The following CADPS2 variants were observed in gnomAD, a reference collection of about 807,000 sequenced individuals.
The protein encoded by CADPS2 is calcium dependent secretion activator 2.
In CADPS2, 93 loss-of-function variants were observed where a neutral mutation model predicts 172.5. That is an observed-to-expected ratio of 0.54 (90% CI 0.46 to 0.64). The LOEUF (loss-of-function observed/expected upper bound fraction) is 0.64, where lower values mean the gene tolerates loss of function less well. Ranked by LOEUF, CADPS2 falls within the 30% of genes least tolerant of loss-of-function variation. CADPS2 has a pLI of 0.00. For synonymous variants in CADPS2, 546 were observed against 555.2 expected (o/e 0.98, Z 0.23); for missense variants, 1,420 against 1,565.9 (o/e 0.91, Z 1.57).
chr7:122,387,319 G>T, intron 23 of CADPS2, 146 bp from the exon 24 acceptor site: 2 of 724,102 alleles, frequency 2.8e-6, no homozygotes, highest in Non-Finnish European at 4.4e-6. Context: ...GAGCTAAGGG[G>T]TGGGATGCTT....
At position 122,848,490 on chromosome 7, in the gene CADPS2, G is replaced by A. The variant is rs1812639777; in HGVS notation, c.339+37509C>T. 2.0e-5 allele frequency among the ~76,000 whole-genome samples: 3 copies of A among 152,132 alleles called. No individual in the cohort carries two copies. The East Asian group carries it at 5.8e-4, about 29-fold the overall frequency. On this transcript the variant is annotated intron_variant, in intron 1 of 29. Transcript: ENST00000449022. ...CAGTAGAGGAGCCAGGACCCCCAAA[G>A]GCTCTAAAATATTCAAGATCAGATG...
At chr7:122,847,607 T>A (rs1812350979) in intron 1 of CADPS2, among the ~76,000 whole-genome samples, 1 of 152,164 alleles carries the variant, frequency 6.6e-6, no homozygotes, top group Non-Finnish European at 1.5e-5. Context: ...ATTTTTTTTT[T>A]TCTTGTCATC....
chr7:122,479,841 A>G (rs2057084215), intron 12 of CADPS2, among the ~76,000 whole-genome samples: 1 of 152,196 alleles, frequency 6.6e-6, no homozygotes, highest in African/African-American at 2.4e-5. Flanking sequence ...GTTAGTTTAT[A>G]TTTTAATTTA....
At chr7:122,588,525 T>C (rs1322229286) in intron 6 of CADPS2, among the ~76,000 whole-genome samples, 1 of 151,890 alleles carries the variant, frequency 6.6e-6, no homozygotes, top group Admixed American at 6.6e-5. Context: ...TCTAGTTAAA[T>C]TATCCTTCTT....
At chr7:122,764,483 CA>C (rs1318267322) in intron 1 of CADPS2, among the ~76,000 whole-genome samples, 1 of 151,760 alleles carries the variant, frequency 6.6e-6, no homozygotes, top group African/African-American at 2.4e-5. Context: ...CTAAAGAAAA[CA>C]AATAGTCTAT....
intron 15 of CADPS2, among the ~76,000 whole-genome samples, chr7:122,445,686 G>A (rs549051415): frequency 6.6e-6 from 1 of 152,200 alleles, no homozygotes; most frequent in East Asian, 1.9e-4. Flanking sequence ...ATGGTGGCAT[G>A]TGCCTGTGGT....
At chr7:122,827,540 G>A (rs1459937889) in intron 1 of CADPS2, among the ~76,000 whole-genome samples, 1 of 151,406 alleles carries the variant, frequency 6.6e-6, no homozygotes, top group Admixed American at 6.6e-5. Flanking sequence ...GCTGAGGCAG[G>A]AGAATCGTTT....
At chr7:122,548,725 C>A (rs554474383) in intron 8 of CADPS2, among the ~76,000 whole-genome samples, 1 of 152,246 alleles carries the variant, frequency 6.6e-6, no homozygotes, top group South Asian at 2.1e-4. Flanking sequence ...CTCTCACTTG[C>A]CATGAAATAA....
intron 2 of CADPS2, among the ~76,000 whole-genome samples, chr7:122,734,464 C>T (rs541604820): frequency 2.1e-5 from 3 of 145,224 alleles, no homozygotes; most frequent in East Asian, 4.3e-4. Flanking sequence ...GTCATTTAAC[C>T]TCTATGAGCT....
intron 8 of CADPS2, among the ~76,000 whole-genome samples, chr7:122,524,992 CAT>C (rs2061096635): frequency 6.6e-6 from 1 of 151,852 alleles, no homozygotes; most frequent in African/African-American, 2.4e-5. Context: ...CTACAAGAAA[CAT>C]AAAAAAATTA....
chr7:122,858,781 A>C (rs543005526), intron 1 of CADPS2, among the ~76,000 whole-genome samples: 1 of 152,246 alleles, frequency 6.6e-6, no homozygotes, highest in Non-Finnish European at 1.5e-5. Flanking sequence ...GTAACTCTAA[A>C]ATAAATGAAA....
At chr7:122,668,120 C>A (rs2081370050) in intron 2 of CADPS2, among the ~76,000 whole-genome samples, 1 of 152,044 alleles carries the variant, frequency 6.6e-6, no homozygotes, top group Admixed American at 6.6e-5. Context: ...TGGTGGAAAA[C>A]AATAAGGGCT....
At chr7:122,752,305 A>G (rs2092984379) in intron 1 of CADPS2, among the ~76,000 whole-genome samples, 1 of 152,172 alleles carries the variant, frequency 6.6e-6, no homozygotes, top group South Asian at 2.1e-4. Context: ...GAATAACTCA[A>G]AATTATCTCT....
intron 1 of CADPS2, among the ~76,000 whole-genome samples, chr7:122,870,874 C>T (rs887517817): frequency 4.6e-5 from 7 of 152,034 alleles, no homozygotes; most frequent in Admixed American, 4.6e-4. Flanking sequence ...ATGCAATATG[C>T]TTTATAGCAG....
At chr7:122,728,890 T>C (rs571778540) in intron 2 of CADPS2, among the ~76,000 whole-genome samples, 2 of 151,912 alleles carry the variant, frequency 1.3e-5, no homozygotes, top group East Asian at 3.9e-4. Context: ...TTTATTATAT[T>C]ACAAGTCGCC....
chr7:122,613,436 AAT>A (rs753834535), intron 6 of CADPS2, among the ~76,000 whole-genome samples: 1 of 151,850 alleles, frequency 6.6e-6, no homozygotes, highest in Non-Finnish European at 1.5e-5. Context: ...TTCCATATGA[AAT>A]ATATATATAT....
chr7:122,769,799 T>C lies in CADPS2; in HGVS notation c.340-32731A>G, dbSNP rs573643658. Among the ~76,000 whole-genome samples, 11 of 152,300 alleles carry C rather than the reference T, an allele frequency of 7.2e-5. No individual in the cohort carries two copies. The East Asian group carries it at 1.9e-3, about 27-fold the overall frequency. ...CTACCAATTGTTGACTGTGTAACCT[T>C]GGACATGTGATTTCAATTTTCTGAG... On this transcript the variant is annotated intron_variant, in intron 1 of 29. Coordinates refer to ENST00000449022, the MANE Select transcript of CADPS2 (RefSeq NM_017954.11).
At chr7:122,371,345 T>G (rs2041738103) in intron 25 of CADPS2, among the ~76,000 whole-genome samples, 1 of 151,966 alleles carries the variant, frequency 6.6e-6, no homozygotes, top group African/African-American at 2.4e-5. Context: ...TGGGGAGGCC[T>G]TAGCAAACTT....
At chr7:122,778,995 T>C (rs999615603) in intron 1 of CADPS2, among the ~76,000 whole-genome samples, 1 of 152,138 alleles carries the variant, frequency 6.6e-6, no homozygotes, top group South Asian at 2.1e-4. Context: ...CTTCTTGTGA[T>C]AGTGAATAAG....
Sources: gnomAD v4.1 joint callset for allele counts (sites outside exome capture counted in the v4.1 genomes callset) on GRCh38, gnomAD v4.1.1 for gene constraint, MANE v1.5 for transcripts, NCBI Gene and HGNC (gene_info 2026-07-23, HGNC 2026-07-21) for gene names.